Variants in ACAP3 observed in about 807,000 individuals in gnomAD.
ACAP3 encodes ArfGAP with coiled-coil, ankyrin repeat and PH domains 3.
In ACAP3, 56 loss-of-function variants were observed where a neutral mutation model predicts 104.1. That is an observed-to-expected ratio of 0.54 (90% CI 0.43 to 0.67). ACAP3 has a LOEUF of 0.67. Ranked by LOEUF, ACAP3 falls within the 30% of genes least tolerant of loss-of-function variation. The probability of loss-of-function intolerance (pLI) is 0.00; values close to 1 mark genes in which losing one functional copy is unlikely to be tolerated. For missense variants in ACAP3, 1,208 were observed against 1,174.9 expected (o/e 1.03, Z -0.41); for synonymous variants, 628 against 496.2 (o/e 1.27, Z -3.53).
chr1:1,294,006 G>A (rs1038532362), intron 22 of ACAP3, 73 bp from the exon 23 acceptor site: 80 of 1,468,460 alleles, frequency 5.4e-5, no homozygotes, highest in Non-Finnish European at 7.0e-5. Flanking sequence ...GGGCGTGGCC[G>A]GATAGGGCAT....
chr1:1,303,444 G>T lies in ACAP3; in HGVS notation c.106-163C>A, dbSNP rs1050765684. 1.6e-5 allele frequency: 14 copies of T among 902,986 alleles called. No homozygotes were observed. The highest frequency in any genetic ancestry group is 2.2e-5 in the Non-Finnish European group (14 of 623,534). The allele number at this position is 902,986 out of a possible 1,614,324, so 55.9% of individuals were successfully genotyped here. A position where few individuals can be genotyped will look rare whatever the true frequency, so the allele number is the denominator to read the frequency against. ...GTGCAGCTTCCTCACGCCTGGGCCTGCCTGGGGCTTGGAGGCCCGTCTGGG... is the reference window on the plus strand; with the variant it reads ...GTGCAGCTTCCTCACGCCTGGGCCTTCCTGGGGCTTGGAGGCCCGTCTGGG... On this transcript the variant is annotated intron_variant, in intron 2 of 23. Coordinates refer to ENST00000354700, the MANE Select transcript of ACAP3 (RefSeq NM_030649.3). The surrounding 1 kb of genome is among the most constrained non-coding windows in gnomAD (Gnocchi z 4.0).
intron 1 of ACAP3, chr1:1,306,973 G>A: frequency 2.4e-6 from 1 of 417,186 alleles, no homozygotes; most frequent in Non-Finnish European, 4.8e-6. Context: ...TCCTGTGCAA[G>A]GCCTGGTGTC....
chr1:1,293,590 TG>T lies in ACAP3; in HGVS notation c.2478del (p.Phe826LeufsTer69). 1 of 1,492,670 alleles carries T rather than the reference TG, an allele frequency of 6.7e-7. No homozygotes were observed. The highest frequency in any genetic ancestry group is 8.9e-7 in the Non-Finnish European group (1 of 1,126,018). 92.5% of individuals were successfully genotyped at this position (1,492,670 alleles called of 1,614,324 possible). A position where few individuals can be genotyped will look rare whatever the true frequency, so the allele number is the denominator to read the frequency against. ...TAGCTCTCTTCCAGGTGGAGGCTGA[TG>T]AACTCCTGGATACACCTGCGGAACT... ...ELQFRRCIQEFISLHLEES is the reference protein window; with the variant it reads ...ELQFRRCIQEXISLHLEES On this transcript the variant is annotated frameshift_variant, in exon 24 of 24. Transcript: ENST00000354700. LOFTEE classifies it high-confidence loss of function.
chr1:1,302,801 C>G (rs1341472855), intron 4 of ACAP3, 121 bp downstream of exon 4: 22 of 315,622 alleles, frequency 7.0e-5, no homozygotes, highest in African/African-American at 5.2e-4. Context: ...GGATTCCCCC[C>G]CCCCCCGACT....
At position 1,297,840 on chromosome 1, in the gene ACAP3, A is replaced by G. The variant is rs769038808; in HGVS notation, c.1110T>C (p.Pro370=). Residue 370 remains proline, a synonymous_variant, in exon 14 of 24, where the codon CCT becomes CCC. Transcript: ENST00000354700. ...ASIASAYRES[P]DSCYSERLDR... ...GCCACACCTCGCTATAGCAACTGTC[A>G]GGGCTCTCGCGGTAGGCGGAGGCGA... 1.2e-5 allele frequency: 19 copies of G among 1,611,536 alleles called. No individual in the cohort carries two copies. In the East Asian group the frequency reaches 1.6e-4, roughly 13 times the overall value.
At chr1:1,306,492 G>A (rs1023225603) in intron 1 of ACAP3, among the ~76,000 whole-genome samples, 1 of 152,268 alleles carries the variant, frequency 6.6e-6, no homozygotes, top group African/African-American at 2.4e-5. Context: ...GGAGAGCAGA[G>A]GATGGCCCCA....
Position 1,294,448 on chromosome 1 carries a change from T to G in ACAP3, c.2093A>C (p.Asp698Ala). Residue 698 changes from aspartate (D) to alanine (A), a missense_variant, in exon 21 of 24, where the codon GAC becomes GCC. By Grantham distance (126) the Asp-to-Ala change is moderately radical (BLOSUM62 -2). Transcript: ENST00000354700. ...LAHGAEVNWA[D>A]AEDEGKTPLV... ...CGGCGTCTTGCCCTCATCCTCCGCG[T>G]CCGCCCAGTTGACCTCGGCCCCGTG... is the stretch of plus-strand genomic sequence containing the variant. 6.4e-7 allele frequency: 1 copy of G among 1,574,152 alleles called. No individual in the cohort carries two copies. The highest frequency in any genetic ancestry group is 1.4e-5 in the African/African-American group (1 of 73,244).
chr1:1,302,574 C>T (rs981717245), intron 4 of ACAP3, among the ~76,000 whole-genome samples: 16 of 152,200 alleles, frequency 1.1e-4, no homozygotes, highest in African/African-American at 1.9e-4. Context: ...CCACATCTCA[C>T]GGGTGCCTGT....
chr1:1,301,827 C>T (rs1418823441), intron 5 of ACAP3, 161 bp downstream of exon 5: 9 of 594,884 alleles, frequency 1.5e-5, no homozygotes, highest in Non-Finnish European at 2.5e-5. Flanking sequence ...ACCCCCCGCA[C>T]TCCACCCGGC....
intron 14 of ACAP3, among the ~76,000 whole-genome samples, chr1:1,297,155 G>T (rs1641212344): frequency 6.9e-6 from 1 of 145,202 alleles, no homozygotes; most frequent in Non-Finnish European, 1.5e-5. Context: ...GCACGTGTGT[G>T]TGTGCACAGG....
rs1271258511 is a variant in ACAP3, at chr1:1,307,369, T to TC, written c.47+399dup. ...CTTAAACGCGGCTCCAGCTGCCTGT[T>TC]CCCCACGCGCTGCTCTGGACACAGG... On this transcript the variant is annotated intron_variant, in intron 1 of 23. Coordinates refer to ENST00000354700, the MANE Select transcript of ACAP3 (RefSeq NM_030649.3). The TC allele has an allele frequency of 1.0e-5, 13 of 1,290,028 alleles. No homozygotes were observed. The Admixed American group carries it at 1.8e-4, about 18-fold the overall frequency. The allele number at this position is 1,290,028 out of a possible 1,614,324, so 79.9% of individuals were successfully genotyped here. A position where few individuals can be genotyped will look rare whatever the true frequency, so the allele number is the denominator to read the frequency against.
rs1489946087 is a variant in ACAP3, at chr1:1,293,296, G to C, written c.*268C>G. 7.3e-6 allele frequency: 2 copies of C among 273,236 alleles called. No homozygotes were observed. The highest frequency in any genetic ancestry group is 2.3e-5 in the African/African-American group (1 of 43,888). 16.9% of individuals were successfully genotyped at this position (273,236 alleles called of 1,614,324 possible). A position where few individuals can be genotyped will look rare whatever the true frequency, so the allele number is the denominator to read the frequency against. On this transcript the variant is annotated 3_prime_UTR_variant, in exon 24 of 24. Coordinates refer to ENST00000354700, the MANE Select transcript of ACAP3 (RefSeq NM_030649.3). ...ATGAGCAACCCAGGCCCCTGAAAAG[G>C]GGTGACCTGAAGACAGAGGTTCCCC...
At position 1,293,492 on chromosome 1, in the gene ACAP3, T is replaced by A; in HGVS notation, c.*72A>T. ...GGTCACACGCAGGGCCGCGGCCGGGTGGGCGCCAGGGACTTCGGGGCATGC... is the reference window on the plus strand; with the variant it reads ...GGTCACACGCAGGGCCGCGGCCGGGAGGGCGCCAGGGACTTCGGGGCATGC... On this transcript the variant is annotated 3_prime_UTR_variant, in exon 24 of 24. Coordinates refer to ENST00000354700, the MANE Select transcript of ACAP3 (RefSeq NM_030649.3). 1 of 1,321,312 alleles carries A rather than the reference T, an allele frequency of 7.6e-7. No individual in the cohort carries two copies. Among genetic ancestry groups the A allele is most frequent in the East Asian group, 3.5e-5 (1 of 28,172 alleles). The allele number at this position is 1,321,312 out of a possible 1,614,324, so 81.8% of individuals were successfully genotyped here. A position where few individuals can be genotyped will look rare whatever the true frequency, so the allele number is the denominator to read the frequency against.
At chr1:1,302,795 T>TTC (rs1553163747) in intron 4 of ACAP3, 127 bp downstream of exon 4, 103 of 168,128 alleles carry the variant, frequency 6.1e-4, no homozygotes, top group Admixed American at 7.6e-4. Context: ...AATGTGGGAT[T>TTC]CCCCCCCCCC....
chr1:1,301,691 T>G, intron 5 of ACAP3: 1 of 212,192 alleles, frequency 4.7e-6, no homozygotes, highest in Non-Finnish European at 9.0e-6. Context: ...CCTCCCCACC[T>G]CACTCTCAAG....
chr1:1,307,422 C>T (rs1282182895), intron 1 of ACAP3: 1 of 1,293,166 alleles, frequency 7.7e-7, no homozygotes, highest in African/African-American at 1.5e-5. Context: ...GGGCCGACGC[C>T]CCCACGGACC....
chr1:1,296,446 A>T lies in ACAP3; in HGVS notation c.1316T>A (p.Ile439Asn). 4 of 1,546,816 alleles carry T rather than the reference A, an allele frequency of 2.6e-6. No homozygotes were observed. The highest frequency in any genetic ancestry group is 3.5e-6 in the Non-Finnish European group (4 of 1,147,126). Residue 439 changes from isoleucine (I) to asparagine (N), a missense_variant, in exon 15 of 24, where the codon ATT becomes AAT. Ile to Asn is a moderately radical substitution (Grantham distance 149, BLOSUM62 -3). Transcript: ENST00000354700. The part of the protein sequence containing the change: ...ASINLGVLLC[I>N]ECSGIHRSLG... ...CCACCTGTGGATGCCGGAGCACTCA[A>T]TGCAGAGCAGCACGCCCAGGTTGAT...
In ACAP3 at chr1:1,298,717, AG is replaced by A. The variant is rs1641311527; in HGVS notation, c.751-39del. 1.3e-5 allele frequency: 19 copies of A among 1,491,474 alleles called. 1 individual carries two copies. In the East Asian group the frequency reaches 4.1e-4, roughly 32 times the overall value. 92.4% of individuals were successfully genotyped at this position (1,491,474 alleles called of 1,614,324 possible). A position where few individuals can be genotyped will look rare whatever the true frequency, so the allele number is the denominator to read the frequency against. On this transcript the variant is annotated intron_variant, in intron 10 of 23. Transcript: ENST00000354700. ...AACCCGCCCCCTCAGTGCCCACCCC[AG>A]GGGCCCTGCTACCCTCCGTGCTTTC...
intron 2 of ACAP3, 65 bp downstream of exon 2, chr1:1,304,021 C>A: frequency 6.5e-7 from 1 of 1,542,726 alleles, no homozygotes; most frequent in Non-Finnish European, 8.8e-7. Context: ...GCCTGGAGGG[C>A]GAGTCTGGCC....
Sources: gnomAD v4.1 joint callset for allele counts (sites outside exome capture counted in the v4.1 genomes callset) on GRCh38, gnomAD v4.1.1 for gene constraint, Gnocchi (gnomAD v3.1) non-coding constraint, MANE v1.5 for transcripts, NCBI Gene and HGNC (gene_info 2026-07-23, HGNC 2026-07-21) for gene names.